ITSN1: variants seen among roughly 807,000 people sequenced by gnomAD.
ITSN1 encodes the protein intersectin-1.
A neutral mutation model predicts 239.8 loss-of-function variants in ITSN1; 58 were observed. That is an observed-to-expected ratio of 0.24 (90% confidence interval 0.20 to 0.30). ITSN1 has a LOEUF of 0.30. Among genes scored for constraint, ITSN1 ranks in the 10% least tolerant of loss-of-function variants. The pLI is 1.00. For synonymous variants in ITSN1, 780 were observed against 770.8 expected (o/e 1.01, Z -0.20); for missense variants, 1,558 against 2,103.3 (o/e 0.74, Z 5.07).
intron 38 of ITSN1, 144 bp from the exon 39 acceptor site, chr21:33,886,143 T>G: frequency 1.6e-6 from 1 of 616,768 alleles, no homozygotes; most frequent in Non-Finnish European, 2.8e-6. Flanking sequence ...GCTCAGGAGG[T>G]GGAGGTTGCA....
intron 14 of ITSN1, among the ~76,000 whole-genome samples, chr21:33,776,544 CA>C (rs34789155): frequency 0.38 from 33,454 of 88,556 alleles, 3,650 homozygotes; most frequent in African/African-American, 0.46. Context: ...AGACCCTGTT[CA>C]AAAAAAAAAA....
At chr21:33,815,355 G>A (rs1023778177) in intron 22 of ITSN1, among the ~76,000 whole-genome samples, 4 of 152,124 alleles carry the variant, frequency 2.6e-5, no homozygotes, top group Middle Eastern at 3.4e-3. Flanking sequence ...CATTTAGCAC[G>A]TGTCACATGC....
At chr21:33,665,873 A>T (rs2089897064) in intron 1 of ITSN1, among the ~76,000 whole-genome samples, 1 of 152,194 alleles carries the variant, frequency 6.6e-6, no homozygotes, top group African/African-American at 2.4e-5. Context: ...AAACATGTAT[A>T]ACATAGATGT....
At chr21:33,815,232 A>G (rs1432818617) in intron 22 of ITSN1, among the ~76,000 whole-genome samples, 3 of 152,172 alleles carry the variant, frequency 2.0e-5, no homozygotes, top group Non-Finnish European at 4.4e-5. Context: ...AGGAGAGGGA[A>G]TACAGGGAGA....
At chr21:33,804,337 G>A (rs1041976478) in intron 20 of ITSN1, among the ~76,000 whole-genome samples, 2 of 152,050 alleles carry the variant, frequency 1.3e-5, no homozygotes, top group Non-Finnish European at 2.9e-5. Flanking sequence ...ATTTAATGTG[G>A]TACCTTGTAT....
chr21:33,676,171 C>T (rs543142416), intron 1 of ITSN1, among the ~76,000 whole-genome samples: 15 of 151,750 alleles, frequency 9.9e-5, no homozygotes, highest in East Asian at 5.9e-4. Context: ...TTAGTAGAAA[C>T]GGGGTTTCAC....
At chr21:33,677,464 C>T (rs553246941) in intron 1 of ITSN1, among the ~76,000 whole-genome samples, 3 of 151,954 alleles carry the variant, frequency 2.0e-5, no homozygotes, top group African/African-American at 7.3e-5. Context: ...CTCAACCTCC[C>T]GAGTACCTGG....
chr21:33,810,623 T>G (rs1001526403), intron 20 of ITSN1, among the ~76,000 whole-genome samples: 6 of 152,208 alleles, frequency 3.9e-5, no homozygotes, highest in Non-Finnish European at 1.5e-5. Flanking sequence ...CAAATTATTT[T>G]TAATAATGAC....
At chr21:33,837,934 G>A in intron 29 of ITSN1, 1 of 985,778 alleles carries the variant, frequency 1.0e-6, no homozygotes, top group Non-Finnish European at 1.2e-6. Flanking sequence ...TCTGTTACAT[G>A]AAGTTTTATT....
intron 1 of ITSN1, among the ~76,000 whole-genome samples, chr21:33,712,974 T>C (rs1274569564): frequency 2.0e-5 from 3 of 152,034 alleles, no homozygotes; most frequent in African/African-American, 7.2e-5. Flanking sequence ...GCCTCCTGGG[T>C]TCAAGCGATT....
At chr21:33,692,469 T>G (rs916723851) in intron 1 of ITSN1, among the ~76,000 whole-genome samples, 1 of 152,214 alleles carries the variant, frequency 6.6e-6, no homozygotes, top group African/African-American at 2.4e-5. Context: ...CTTGCTGCCC[T>G]TAGTGCTGTC....
intron 3 of ITSN1, chr21:33,721,939 C>T (rs1183024451): frequency 2.7e-5 from 4 of 150,038 alleles, no homozygotes; most frequent in Non-Finnish European, 4.4e-5. Flanking sequence ...CAGAATTTCG[C>T]TCTTGTTACC....
At chr21:33,722,734 CTTA>C in intron 4 of ITSN1, 83 bp downstream of exon 4, 1 of 1,308,210 alleles carries the variant, frequency 7.6e-7, no homozygotes, top group Non-Finnish European at 1.0e-6. Context: ...AATATGATTT[CTTA>C]TGTTATAAAA....
chr21:33,806,323 A>G (rs2072448600), intron 20 of ITSN1, among the ~76,000 whole-genome samples: 1 of 152,226 alleles, frequency 6.6e-6, no homozygotes, highest in Admixed American at 6.5e-5. Flanking sequence ...AACACATCCC[A>G]TGCAGCCACT....
At chr21:33,862,016 A>T (rs1225572427) in intron 31 of ITSN1, among the ~76,000 whole-genome samples, 1 of 135,850 alleles carries the variant, frequency 7.4e-6, no homozygotes, top group Non-Finnish European at 1.6e-5. Context: ...AAAAAAAAAG[A>T]GCTGTGCGTG....
intron 4 of ITSN1, among the ~76,000 whole-genome samples, chr21:33,725,473 G>T (rs2065774157): frequency 6.6e-6 from 1 of 152,064 alleles, no homozygotes; most frequent in African/African-American, 2.4e-5. Flanking sequence ...TGTGGTGCAT[G>T]CCTGTAGTCT....
At chr21:33,846,737 C>T (rs1380976628) in intron 29 of ITSN1, among the ~76,000 whole-genome samples, 2 of 152,200 alleles carry the variant, frequency 1.3e-5, no homozygotes, top group Non-Finnish European at 2.9e-5. Context: ...CAGGACACGT[C>T]ACAGTGTTCA....
At position 33,897,809 on chromosome 21, in the gene ITSN1, A is replaced by T. The variant is rs987690211; in HGVS notation, c.*9509A>T. The stretch of plus-strand genomic sequence containing the variant: ...AAAAAAATTTAAAACCTATTCCAAG[A>T]GTAGAAAATGCTTAATGAGATTACT... On this transcript the variant is annotated 3_prime_UTR_variant, in exon 40 of 40. Coordinates refer to ENST00000381318, the MANE Select transcript of ITSN1 (RefSeq NM_003024.3). The T allele has an allele frequency of 5.3e-5, 8 of 152,370 alleles. No individual in the cohort carries two copies. Among genetic ancestry groups the T allele is most frequent in the African/African-American group, 1.7e-4 (7 of 41,586 alleles). 9.4% of individuals were successfully genotyped at this position (152,370 alleles called of 1,614,324 possible).
At chr21:33,644,757 T>C (rs1391157628) in intron 1 of ITSN1, among the ~76,000 whole-genome samples, 1 of 151,932 alleles carries the variant, frequency 6.6e-6, no homozygotes, top group Non-Finnish European at 1.5e-5. Context: ...TTTCCCCAAG[T>C]GCCTAGACTG....
Sources: gnomAD v4.1 joint callset for allele counts (sites outside exome capture counted in the v4.1 genomes callset) on GRCh38, gnomAD v4.1.1 for gene constraint, MANE v1.5 for transcripts, NCBI Gene and HGNC (gene_info 2026-07-23, HGNC 2026-07-21) for gene names.